SPATC1: variants seen among roughly 807,000 people sequenced by gnomAD.
The protein encoded by SPATC1 is speriolin.
A neutral mutation model predicts 36.5 loss-of-function variants in SPATC1; 35 were observed. The observed-to-expected ratio is 0.96, with a 90% CI of 0.73 to 1.27. The LOEUF (loss-of-function observed/expected upper bound fraction) is 1.27. SPATC1 is among the 50% of genes most tolerant of loss of function. The pLI, the probability that SPATC1 is intolerant of heterozygous loss-of-function variation, is 0.00. For missense variants in SPATC1, 779 were observed against 796.0 expected (o/e 0.98, Z 0.26); for synonymous variants, 361 against 353.6 (o/e 1.02, Z -0.24).
intron 1 of SPATC1, among the ~76,000 whole-genome samples, chr8:144,015,758 GAAAAGAA>G (rs1282374365): frequency 1.2e-4 from 13 of 108,894 alleles, no homozygotes; most frequent in African/African-American, 3.5e-4. Flanking sequence ...AAAAAAAAAA[GAAAAGAA>G]AAAAGAAAAA....
At chr8:144,041,140 GC>G (rs1564279891) in intron 3 of SPATC1, 33 bp downstream of exon 3, 6 of 1,583,750 alleles carry the variant, frequency 3.8e-6, no homozygotes, top group Admixed American at 1.7e-5. Flanking sequence ...CGCGGGTCGG[GC>G]CCCCAGGCCC....
intron 4 of SPATC1, among the ~76,000 whole-genome samples, chr8:144,044,179 G>A (rs565168012): frequency 1.3e-5 from 2 of 152,242 alleles, no homozygotes; most frequent in South Asian, 4.1e-4. Flanking sequence ...CAATAATAGA[G>A]GTGATGCATG....
chr8:144,011,381 T>A (rs1834281074), upstream of SPATC1, among the ~76,000 whole-genome samples: 2 of 152,036 alleles, frequency 1.3e-5, no homozygotes, highest in Non-Finnish European at 2.9e-5. This position sits in a 1 kb window ranked among gnomAD's most constrained non-coding sequence, Gnocchi z 4.5. Flanking sequence ...GGCCCCCCAT[T>A]GTGAGGTCCA....
intron 1 of SPATC1, among the ~76,000 whole-genome samples, chr8:144,020,479 A>T (rs1471221911): frequency 1.6e-5 from 2 of 126,614 alleles, no homozygotes; most frequent in Admixed American, 1.5e-4. Flanking sequence ...TTCCCTCAGG[A>T]CTCTCTTCTC....
intron 1 of SPATC1, among the ~76,000 whole-genome samples, chr8:144,037,650 C>A (rs571128156): frequency 1.2e-4 from 18 of 151,996 alleles, no homozygotes; most frequent in South Asian, 4.2e-4. Context: ...ATCTCAAGTA[C>A]CCAGGGACAC....
chr8:144,033,129 C>T (rs1834831041), intron 1 of SPATC1, among the ~76,000 whole-genome samples: 1 of 151,800 alleles, frequency 6.6e-6, no homozygotes, highest in Admixed American at 6.6e-5. Flanking sequence ...GGCACAGTGG[C>T]TCACGCCTGT....
At chr8:144,021,571 GACCCTCTTACCTCAGA>G (rs1834536070) in intron 1 of SPATC1, among the ~76,000 whole-genome samples, 1 of 112,680 alleles carries the variant, frequency 8.9e-6, no homozygotes, top group Non-Finnish European at 1.9e-5. Flanking sequence ...TTCTTCTAAG[GACCCTCTTACCTCAGA>G]ACCCTCTCAC....
Position 144,040,404 on chromosome 8 carries a change from G to T in SPATC1, c.707G>T (p.Arg236Leu), listed in dbSNP as rs572527417. Residue 236 changes from arginine (R) to leucine (L), a missense_variant, in exon 2 of 5, where the codon CGC (arginine) becomes CTC (leucine). By Grantham distance (102) the Arg-to-Leu change is moderately radical. Transcript: ENST00000377470. ...AGGCTGCGGCTGGCTGAGCCACTCC[G>T]CGGAGGCCCCACTGGGCCCCAGTCC... ...APRLRLAEPL[R>L]GGPTGPQSPA... is the part of the protein sequence containing the mutation. The T allele has an allele frequency of 1.2e-6, 2 of 1,611,338 alleles. No homozygotes were observed. Among genetic ancestry groups the T allele is most frequent in the Non-Finnish European group, 1.7e-6 (2 of 1,179,420 alleles).
chr8:144,038,568 G>A (rs782732498), intron 1 of SPATC1, among the ~76,000 whole-genome samples: 4 of 151,974 alleles, frequency 2.6e-5, no homozygotes, highest in Middle Eastern at 3.4e-3. Context: ...TCAACCTCCC[G>A]GGCTCAAATG....
At chr8:144,015,066 G>T (rs1014834256) in intron 1 of SPATC1, among the ~76,000 whole-genome samples, 1 of 151,678 alleles carries the variant, frequency 6.6e-6, no homozygotes, top group Non-Finnish European at 1.5e-5. Flanking sequence ...GAGAGACAGA[G>T]TCTTGCTCTG....
chr8:144,038,086 C>T (rs1554755121), intron 1 of SPATC1, among the ~76,000 whole-genome samples: 3 of 151,230 alleles, frequency 2.0e-5, no homozygotes, highest in Admixed American at 1.3e-4. Flanking sequence ...CGAGATCGCA[C>T]CACTGCACTC....
intron 1 of SPATC1, among the ~76,000 whole-genome samples, chr8:144,039,280 A>C (rs188896019): frequency 6.6e-6 from 1 of 152,364 alleles, no homozygotes; most frequent in Admixed American, 6.5e-5. Flanking sequence ...TCTCAGGGGC[A>C]GGGAGAGAGC....
intron 4 of SPATC1, among the ~76,000 whole-genome samples, chr8:144,042,311 A>ATATATATATATATATT (rs1412021347): frequency 4.2e-5 from 1 of 23,884 alleles, no homozygotes; most frequent in African/African-American, 2.4e-4. Context: ...ATATATATAT[A>ATATATATATATATATT]TTTTTTTTTT....
intron 1 of SPATC1, among the ~76,000 whole-genome samples, chr8:144,025,587 CG>C (rs1255356334): frequency 3.3e-5 from 5 of 152,254 alleles, no homozygotes; most frequent in South Asian, 2.1e-4. Context: ...TATCATGCGA[CG>C]GGACTGAAAT....
chr8:144,035,264 G>A (rs1834875066), intron 1 of SPATC1, among the ~76,000 whole-genome samples: 3 of 152,168 alleles, frequency 2.0e-5, no homozygotes, highest in African/African-American at 4.8e-5. Flanking sequence ...TGGAGCCCTC[G>A]TTCCTAGCAG....
chr8:144,039,824 T>A, intron 1 of SPATC1, 85 bp from the exon 2 acceptor site: 1 of 1,422,328 alleles, frequency 7.0e-7, no homozygotes, highest in Non-Finnish European at 9.7e-7. Flanking sequence ...GGCCAGGCCC[T>A]ACCACAGTGA....
intron 1 of SPATC1, among the ~76,000 whole-genome samples, chr8:144,031,440 A>AT (rs1252369871): frequency 2.2e-4 from 23 of 104,382 alleles, no homozygotes; most frequent in Admixed American, 1.4e-3. Context: ...TGCTATCAAG[A>AT]TTTTTTTTTC....
At chr8:144,021,006 CAA>C in intron 1 of SPATC1, among the ~76,000 whole-genome samples, 2 of 87,896 alleles carry the variant, frequency 2.3e-5, no homozygotes, top group African/African-American at 4.7e-5. Context: ...TCTTCCCTGA[CAA>C]CCTCCTTCCC....
chr8:144,043,155 G>T (rs1177370173), intron 4 of SPATC1, among the ~76,000 whole-genome samples: 1 of 151,748 alleles, frequency 6.6e-6, no homozygotes, highest in African/African-American at 2.4e-5. Context: ...ACCACACCCG[G>T]CTAATTTTTG....
Sources: gnomAD v4.1 joint callset for allele counts (sites outside exome capture counted in the v4.1 genomes callset) on GRCh38, gnomAD v4.1.1 for gene constraint, Gnocchi (gnomAD v3.1) non-coding constraint, MANE v1.5 for transcripts, NCBI Gene and HGNC (gene_info 2026-07-23, HGNC 2026-07-21) for gene names.